Variants in DGKB observed in about 807,000 individuals in gnomAD.
DGKB encodes the protein 90 kDa diacylglycerol kinase.
In DGKB, 67 loss-of-function variants were observed where a neutral mutation model predicts 114.3. The observed-to-expected ratio is 0.59, with a 90% confidence interval of 0.48 to 0.72. DGKB has a LOEUF of 0.72. Among genes scored for constraint, DGKB ranks in the 30% least tolerant of loss-of-function variants. The pLI, the probability that DGKB is intolerant of heterozygous loss-of-function variation, is 0.00. For synonymous variants in DGKB, 398 were observed against 323.1 expected, an observed-to-expected ratio of 1.23 and a Z score of -2.49; for missense variants, 907 against 975.2, an observed-to-expected ratio of 0.93 and a Z score of 0.93.
intron 20 of DGKB, among the ~76,000 whole-genome samples, chr7:14,479,174 C>T (rs1389271314): frequency 6.6e-6 from 1 of 151,918 alleles, no homozygotes; most frequent in Non-Finnish European, 1.5e-5. Context: ...AATTTTGTTT[C>T]AAAGTGGAGA....
At chr7:14,755,625 A>G (rs766911392) in intron 3 of DGKB, among the ~76,000 whole-genome samples, 1 of 152,150 alleles carries the variant, frequency 6.6e-6, no homozygotes, top group Non-Finnish European at 1.5e-5. Flanking sequence ...GAATTCTGCC[A>G]TATTGTAAGA....
At chr7:14,516,067 C>T (rs1788739467) in intron 20 of DGKB, among the ~76,000 whole-genome samples, 1 of 152,096 alleles carries the variant, frequency 6.6e-6, no homozygotes, top group Non-Finnish European at 1.5e-5. Flanking sequence ...AGGCTGGTCT[C>T]ATACTCCTGA....
chr7:14,549,031 C>T (rs1181097567), intron 20 of DGKB, among the ~76,000 whole-genome samples: 1 of 150,788 alleles, frequency 6.6e-6, no homozygotes, highest in African/African-American at 2.4e-5. Flanking sequence ...AAGAGTAGAA[C>T]AGAAAAACAA....
intron 13 of DGKB, among the ~76,000 whole-genome samples, chr7:14,646,201 G>A (rs923430835): frequency 2.6e-5 from 4 of 152,098 alleles, no homozygotes; most frequent in Non-Finnish European, 4.4e-5. Flanking sequence ...AAACTGAAAC[G>A]AAAAGTAGGC....
chr7:14,394,819 A>G (rs1480685736), intron 21 of DGKB, among the ~76,000 whole-genome samples: 1 of 152,082 alleles, frequency 6.6e-6, no homozygotes, highest in Non-Finnish European at 1.5e-5. Context: ...TTCCTGCCCA[A>G]TTGATGGATA....
intron 20 of DGKB, among the ~76,000 whole-genome samples, chr7:14,522,420 T>C (rs1789938186): frequency 6.6e-6 from 1 of 152,182 alleles, no homozygotes; most frequent in Non-Finnish European, 1.5e-5. Flanking sequence ...AATCCTTGGC[T>C]AGTCCACTGA....
chr7:14,897,276 G>T (rs953418548), intron 1 of DGKB, among the ~76,000 whole-genome samples: 3 of 151,846 alleles, frequency 2.0e-5, no homozygotes, highest in Non-Finnish European at 4.4e-5. Flanking sequence ...TTTAAAATTA[G>T]AATTTTAATT....
intron 21 of DGKB, among the ~76,000 whole-genome samples, chr7:14,399,425 G>A (rs560796006): frequency 2.2e-3 from 335 of 151,586 alleles, no homozygotes; most frequent in Non-Finnish European, 2.6e-3. Flanking sequence ...ACAGAAGTAT[G>A]TAACTTGTTT....
intron 23 of DGKB, among the ~76,000 whole-genome samples, chr7:14,259,826 T>C (rs1443101033): frequency 7.2e-5 from 11 of 152,180 alleles, no homozygotes; most frequent in Non-Finnish European, 1.6e-4. Context: ...TCTTTTCTGG[T>C]TCGTAATAGG....
chr7:14,879,620 T>C (rs572199536), intron 1 of DGKB, among the ~76,000 whole-genome samples: 1 of 152,348 alleles, frequency 6.6e-6, no homozygotes, highest in Middle Eastern at 3.4e-3. Flanking sequence ...TTAATATTTC[T>C]GTTAGTACAC....
rs1000253772 is a variant in DGKB at position 14,573,467 on chromosome 7, CTGTGTGTGTGTGT to C, written c.1770+732_1770+744del. ...CTACTAGCCTTTTTATAATCTATCT[CTGTGTGTGTGTGT>C]GTGTGTGTGTGTGTGTGTGTGTGTG... On this transcript the variant is annotated intron_variant, in intron 20 of 25. Transcript: ENST00000402815. 2.1e-5 allele frequency among the ~76,000 whole-genome samples: 3 copies of C among 145,472 alleles called. No homozygotes were observed. In the Admixed American group the frequency reaches 2.1e-4, roughly 10 times the overall value.
Position 14,184,972 on chromosome 7 carries a change from G to A in DGKB, c.2123-6821C>T, listed in dbSNP as rs546283304. Among the ~76,000 whole-genome samples the A allele has an allele frequency of 1.6e-4, 25 of 152,168 alleles. 1 individual carries two copies. In the East Asian group the frequency reaches 4.1e-3, roughly 25 times the overall value. ...CCCTCTGAGAACTGGAACAAGACAA[G>A]GATGCCCACTCTCACCACTACTCTT... is the stretch of plus-strand genomic sequence containing the variant. On this transcript the variant is annotated intron_variant, in intron 23 of 25. Coordinates refer to ENST00000402815, the MANE Select transcript of DGKB (RefSeq NM_001350709.2).
intron 20 of DGKB, among the ~76,000 whole-genome samples, chr7:14,547,996 G>T (rs1478412443): frequency 6.6e-6 from 1 of 152,042 alleles, no homozygotes; most frequent in Admixed American, 6.6e-5. Flanking sequence ...TTCTATAATT[G>T]TTAGAAGTAT....
Position 14,495,108 on chromosome 7 carries a change from T to C in DGKB, c.1771-16883A>G, listed in dbSNP as rs181453263. ...TGTATTTCAAGTTGACCCATGATTC[T>C]CTAGATGTAGTCCCCACTAATCAGT... On this transcript the variant is annotated intron_variant, in intron 20 of 25. Transcript: ENST00000402815. Among the ~76,000 whole-genome samples, 19 of 151,972 alleles carry C rather than the reference T, an allele frequency of 1.3e-4. No homozygotes were observed. The East Asian group carries it at 3.7e-3, about 29-fold the overall frequency.
At chr7:14,313,658 G>C (rs1193458655) in intron 23 of DGKB, among the ~76,000 whole-genome samples, 1 of 152,150 alleles carries the variant, frequency 6.6e-6, no homozygotes. Context: ...CTGATTGCTA[G>C]CACAGCAGTC....
chr7:14,769,123 A>AAGAAAGAAAGAGAG, intron 2 of DGKB, among the ~76,000 whole-genome samples: 2 of 89,172 alleles, frequency 2.2e-5, no homozygotes, highest in African/African-American at 1.2e-4. Flanking sequence ...GAAAGAAAGA[A>AAGAAAGAAAGAGAG]AGAGAGAGAG....
At chr7:14,234,902 G>C (rs922498054) in intron 23 of DGKB, among the ~76,000 whole-genome samples, 1 of 152,072 alleles carries the variant, frequency 6.6e-6, no homozygotes, top group Non-Finnish European at 1.5e-5. Flanking sequence ...ATAATTGCTA[G>C]AAAGTGCTGA....
At position 14,231,748 on chromosome 7, in the gene DGKB, G is replaced by T. The variant is rs542036301; in HGVS notation, c.2123-53597C>A. Among the ~76,000 whole-genome samples, 6 of 152,018 alleles carry T rather than the reference G, an allele frequency of 3.9e-5. No homozygotes were observed. The South Asian group carries it at 1.0e-3, about 26-fold the overall frequency. On this transcript the variant is annotated intron_variant, in intron 23 of 25. Coordinates refer to ENST00000402815, the MANE Select transcript of DGKB (RefSeq NM_001350709.2). The stretch of plus-strand genomic sequence containing the variant: ...TGTGTTCTATTCCCTAATAGTGTCT[G>T]AAGGTTCACTTTAATGTGATTCTGA...
At chr7:14,499,194 T>A (rs1049593263) in intron 20 of DGKB, among the ~76,000 whole-genome samples, 1 of 151,692 alleles carries the variant, frequency 6.6e-6, no homozygotes, top group East Asian at 1.9e-4. Flanking sequence ...CAAACTTCTA[T>A]ATGTTTAAAA....
Sources: gnomAD v4.1 joint callset for allele counts (sites outside exome capture counted in the v4.1 genomes callset) on GRCh38, gnomAD v4.1.1 for gene constraint, MANE v1.5 for transcripts, NCBI Gene and HGNC (gene_info 2026-07-23, HGNC 2026-07-21) for gene names.